The following PKDREJ variants were observed in gnomAD, a reference collection of about 807,000 sequenced individuals.
PKDREJ encodes PKD and REJ homolog.
For synonymous variants in PKDREJ, 1,031 were observed against 1,095.5 expected (o/e 0.94, Z 1.16); for missense variants, 2,507 against 2,807.2 (o/e 0.89, Z 2.42).
rs1306054272 is a variant in PKDREJ, at chr22:46,260,731, C to A, written c.2592G>T (p.Lys864Asn). 1.9e-5 allele frequency: 31 copies of A among 1,614,178 alleles called. No homozygotes were observed. The highest frequency in any genetic ancestry group is 2.6e-5 in the Non-Finnish European group (31 of 1,180,018). The change falls in exon 1 of 1, where the codon AAG (lysine) becomes AAT (asparagine). Residue 864 changes from lysine to asparagine, a missense_variant. Physicochemically the swap from Lys to Asn is moderately conservative, Grantham distance 94. Transcript: ENST00000253255. The surrounding 1 kb of genome is among the most constrained non-coding windows in gnomAD (Gnocchi z 4.5). ...GGTTGATACCCCACTTTTCAACTTTCTTGACATACATGTTGAAATTGGGGG... is the reference window on the plus strand; with the variant it reads ...GGTTGATACCCCACTTTTCAACTTTATTGACATACATGTTGAAATTGGGGG... The part of the protein sequence containing the change: ...MRTPNFNMYV[K>N]KVEKWGINQL...
rs766378794 is a variant in PKDREJ at position 46,257,994 on chromosome 22, T to A, written c.5329A>T (p.Asn1777Tyr). The A allele has an allele frequency of 1.2e-6, 2 of 1,614,104 alleles. No homozygotes were observed. The highest frequency in any genetic ancestry group is 1.7e-6 in the Non-Finnish European group (2 of 1,180,016). The change falls in exon 1 of 1, where the codon AAT (asparagine) becomes TAT (tyrosine). Residue 1777 changes from asparagine to tyrosine, a missense_variant. Physicochemically the swap from Asn to Tyr is moderately radical, Grantham distance 143. Coordinates refer to ENST00000253255, the MANE Select transcript of PKDREJ (RefSeq NM_006071.2). This position sits in a 1 kb window ranked among gnomAD's most constrained non-coding sequence, Gnocchi z 4.7. ...VLLPLLHNDL[N>Y]PTFLPESSSK... Reference sequence around the variant, plus strand: ...GAGCTTTCAGGAAGAAATGTTGGATTCAGGTCATTGTGTAACAAAGGCAAC... The same window carrying A: ...GAGCTTTCAGGAAGAAATGTTGGATACAGGTCATTGTGTAACAAAGGCAAC...
At position 46,262,224 on chromosome 22, in the gene PKDREJ, C is replaced by A. The variant is rs755155905; in HGVS notation, c.1099G>T (p.Asp367Tyr). Reference sequence around the variant, plus strand: ...AACTGGAGTCCCTGTAACGGGCTGTCCGCATCTGGGTCCGAGGACGTGGAC... The same window carrying A: ...AACTGGAGTCCCTGTAACGGGCTGTACGCATCTGGGTCCGAGGACGTGGAC... ...DGSTSSDPDADSPLQGLQFFW... is the reference protein window; with the variant it reads ...DGSTSSDPDAYSPLQGLQFFW... The change falls in exon 1 of 1, where the codon GAC becomes TAC. Residue 367 changes from aspartate to tyrosine, a missense_variant. Physicochemically the swap from Asp to Tyr is radical, Grantham distance 160. Transcript: ENST00000253255. This position sits in a 1 kb window ranked among gnomAD's most constrained non-coding sequence, Gnocchi z 8.1. 2 of 1,614,182 alleles carry A rather than the reference C, an allele frequency of 1.2e-6. No homozygotes were observed. The highest frequency in any genetic ancestry group is 2.2e-5 in the South Asian group (2 of 91,082).
rs375804500 is a variant in PKDREJ, at chr22:46,262,796, C to T, written c.527G>A (p.Gly176Asp). The T allele has an allele frequency of 4.4e-5, 61 of 1,397,404 alleles. No individual in the cohort carries two copies. The highest frequency in any genetic ancestry group is 2.7e-4 in the South Asian group (15 of 56,490). 86.6% of individuals were successfully genotyped at this position (1,397,404 alleles called of 1,614,324 possible). A position where few individuals can be genotyped will look rare whatever the true frequency, so the allele number is the denominator to read the frequency against. ...SAAPGPRPQQ[G>D]FVARTECPTD... ...GGGGCACTCGGTGCGGGCCACGAAGCCCTGCTGGGGCCGCGGGCCTGGCGC... is the reference window on the plus strand; with the variant it reads ...GGGGCACTCGGTGCGGGCCACGAAGTCCTGCTGGGGCCGCGGGCCTGGCGC... Residue 176 changes from glycine to aspartate, a missense_variant, in exon 1 of 1, where the codon GGC becomes GAC. By Grantham distance (94) the Gly-to-Asp change is moderately conservative (BLOSUM62 -1). Transcript: ENST00000253255. The surrounding 1 kb of genome is among the most constrained non-coding windows in gnomAD (Gnocchi z 8.1).
At position 46,262,221 on chromosome 22, in the gene PKDREJ, T is replaced by C; in HGVS notation, c.1102A>G (p.Ser368Gly). The C allele has an allele frequency of 6.2e-7, 1 of 1,614,196 alleles. No individual in the cohort carries two copies. The highest frequency in any genetic ancestry group is 1.7e-5 in the Admixed American group (1 of 60,032). The change falls in exon 1 of 1, where the codon AGC (serine) becomes GGC (glycine). Residue 368 changes from serine (S) to glycine (G), a missense_variant. Physicochemically the swap from Ser to Gly is moderately conservative, Grantham distance 56. Transcript: ENST00000253255. This position sits in a 1 kb window ranked among gnomAD's most constrained non-coding sequence, Gnocchi z 8.1. ...AAGAACTGGAGTCCCTGTAACGGGC[T>C]GTCCGCATCTGGGTCCGAGGACGTG... ...GSTSSDPDAD[S>G]PLQGLQFFWY...
In PKDREJ at chr22:46,261,715, C is replaced by T. The variant is rs757912022; in HGVS notation, c.1608G>A (p.Ser536=). 8.1e-6 allele frequency: 13 copies of T among 1,613,738 alleles called. No individual in the cohort carries two copies. In the East Asian group the frequency reaches 8.9e-5, roughly 11 times the overall value. ...AFRHFLEAEF[S]ISLYLACWSG... is the part of the protein sequence containing the mutation. ...TCCAACATGCTAGATACAGAGAAAT[C>T]GAAAACTCAGCTTCCAAAAAATGCC... The change falls in exon 1 of 1, where the codon TCG becomes TCA. Residue 536 remains serine, a synonymous_variant. Coordinates refer to ENST00000253255, the MANE Select transcript of PKDREJ (RefSeq NM_006071.2). The surrounding 1 kb of genome is among the most constrained non-coding windows in gnomAD (Gnocchi z 7.1).
rs1417793404 is a variant in PKDREJ, at chr22:46,262,191, AC to A, written c.1131del (p.Trp377CysfsTer15). The A allele has an allele frequency of 9.9e-6, 16 of 1,614,138 alleles. No individual in the cohort carries two copies. The highest frequency in any genetic ancestry group is 1.4e-5 in the Non-Finnish European group (16 of 1,180,016). On this transcript the variant is annotated frameshift_variant, in exon 1 of 1. Transcript: ENST00000253255. LOFTEE classifies it low-confidence loss of function (END_TRUNC). This position sits in a 1 kb window ranked among gnomAD's most constrained non-coding sequence, Gnocchi z 8.1. ...DSPLQGLQFF[W>X]YCTTDPRNYG... ...TAGTTTCTGGGATCTGTGGTACAGT[AC>A]CAAAAGAACTGGAGTCCCTGTAACG...
rs1936722650 is a variant in PKDREJ at position 46,263,333 on chromosome 22, C to T, written c.-11G>A. On this transcript the variant is annotated 5_prime_UTR_variant, in exon 1 of 1. Transcript: ENST00000253255. The surrounding 1 kb of genome is among the most constrained non-coding windows in gnomAD (Gnocchi z 9.4). ...GGGCCCAGGCCTCATGGCGCCGGCC[C>T]AGGAGAAGCTGGGAGAGGCCGCGAG... is the stretch of plus-strand genomic sequence containing the variant. 2.2e-6 allele frequency: 3 copies of T among 1,369,316 alleles called. No individual in the cohort carries two copies. Among genetic ancestry groups the T allele is most frequent in the Non-Finnish European group, 2.8e-6 (3 of 1,066,630 alleles). 84.8% of individuals were successfully genotyped at this position (1,369,316 alleles called of 1,614,324 possible). A position where few individuals can be genotyped will look rare whatever the true frequency, so the allele number is the denominator to read the frequency against.
In PKDREJ at chr22:46,260,812, T is replaced by C. The variant is rs1569271370; in HGVS notation, c.2511A>G (p.Leu837=). ...VKDPFYVIES[L]SDTILANKVP... is the part of the protein sequence containing the mutation. The stretch of plus-strand genomic sequence containing the variant: ...CTTTATTAGCCAGTATTGTGTCTGA[T>C]AGAGATTCTATTACATAGAAAGGAT... The change falls in exon 1 of 1, where the codon CTA becomes CTG. Residue 837 remains leucine (L), a synonymous_variant. Coordinates refer to ENST00000253255, the MANE Select transcript of PKDREJ (RefSeq NM_006071.2). This position sits in a 1 kb window ranked among gnomAD's most constrained non-coding sequence, Gnocchi z 4.5. 1.9e-6 allele frequency: 3 copies of C among 1,614,062 alleles called. No homozygotes were observed. The highest frequency in any genetic ancestry group is 2.5e-6 in the Non-Finnish European group (3 of 1,179,944).
rs746929817 is a variant in PKDREJ at position 46,262,807 on chromosome 22, CCGCGGGCCTGGCGCGGCGGAG to C, written c.495_515del (p.Ser166_Arg172del). 3.8e-6 allele frequency: 5 copies of C among 1,316,098 alleles called. No individual in the cohort carries two copies. The South Asian group carries it at 1.3e-4, about 34-fold the overall frequency. The allele number at this position is 1,316,098 out of a possible 1,614,324, so 81.5% of individuals were successfully genotyped here. A position where few individuals can be genotyped will look rare whatever the true frequency, so the allele number is the denominator to read the frequency against. ...TGCGGGCCACGAAGCCCTGCTGGGG[CCGCGGGCCTGGCGCGGCGGAG>C]CGCGGGGAGACGCGGGCCGCGGGGG... On this transcript the variant is annotated inframe_deletion, in exon 1 of 1. Transcript: ENST00000253255. The surrounding 1 kb of genome is among the most constrained non-coding windows in gnomAD (Gnocchi z 8.1).
chr22:46,261,953 A>G lies in PKDREJ; in HGVS notation c.1370T>C (p.Ile457Thr), dbSNP rs1936701563. The change falls in exon 1 of 1, where the codon ATA becomes ACA. Residue 457 changes from isoleucine to threonine, a missense_variant. Transcript: ENST00000253255. The surrounding 1 kb of genome is among the most constrained non-coding windows in gnomAD (Gnocchi z 7.1). ...RVHVLQGPKA[I>T]AHITCIENCE... ...ATTTTCGATACATGTGATGTGTGCT[A>G]TGGCTTTTGGTCCTTGGAGCACGTG... is the stretch of plus-strand genomic sequence containing the variant. The G allele has an allele frequency of 1.2e-6, 2 of 1,614,176 alleles. No homozygotes were observed. Among genetic ancestry groups the G allele is most frequent in the South Asian group, 1.1e-5 (1 of 91,088 alleles).
Position 46,260,503 on chromosome 22 carries a change from A to G in PKDREJ, c.2820T>C (p.Gly940=). 1.2e-6 allele frequency: 2 copies of G among 1,614,176 alleles called. No individual in the cohort carries two copies. Among genetic ancestry groups the G allele is most frequent in the South Asian group, 1.1e-5 (1 of 91,088 alleles). Residue 940 remains glycine (G), a synonymous_variant, in exon 1 of 1, where the codon GGT becomes GGC. Transcript: ENST00000253255. The surrounding 1 kb of genome is among the most constrained non-coding windows in gnomAD (Gnocchi z 4.5). ...GFRMTGVADN[G]SVLEITPDVA... ...CATCAGGTGTGATCTCTAGCACACT[A>G]CCGTTATCTGCAACTCCTGTCATTC...
Position 46,257,923 on chromosome 22 carries a change from T to G in PKDREJ, c.5400A>C (p.Lys1800Asn). The change falls in exon 1 of 1, where the codon AAA becomes AAC. Residue 1800 changes from lysine to asparagine, a missense_variant. By Grantham distance (94) the Lys-to-Asn change is moderately conservative. Transcript: ENST00000253255. This position sits in a 1 kb window ranked among gnomAD's most constrained non-coding sequence, Gnocchi z 4.7. ...CAGGTAGACACATTTTTTCACTAGA[T>G]TTTGCTCTCACTTGCCTCATCAATG... ...GLPLMRQVRA[K>N]SSEKMCLPAE... 1 of 1,614,130 alleles carries G rather than the reference T, an allele frequency of 6.2e-7. No homozygotes were observed. Among genetic ancestry groups the G allele is most frequent in the Non-Finnish European group, 8.5e-7 (1 of 1,180,030 alleles).
Position 46,258,059 on chromosome 22 carries a change from G to T in PKDREJ, c.5264C>A (p.Thr1755Asn), listed in dbSNP as rs757645206. 49 of 1,613,958 alleles carry T rather than the reference G, an allele frequency of 3.0e-5. No individual in the cohort carries two copies. The highest frequency in any genetic ancestry group is 2.2e-5 in the South Asian group (2 of 91,088). The part of the protein sequence containing the change: ...DRFSMDLATV[T>N]KLEDIYRWLN... The stretch of plus-strand genomic sequence containing the variant: ...CCATCTATAGATGTCTTCCAGCTTA[G>T]TCACAGTAGCAAGATCCATAGAGAA... The change falls in exon 1 of 1, where the codon ACT becomes AAT. Residue 1755 changes from threonine (T) to asparagine (N), a missense_variant. Thr to Asn is a moderately conservative substitution (Grantham distance 65). Coordinates refer to ENST00000253255, the MANE Select transcript of PKDREJ (RefSeq NM_006071.2). This position sits in a 1 kb window ranked among gnomAD's most constrained non-coding sequence, Gnocchi z 6.1.
In PKDREJ at chr22:46,257,676, G is replaced by C; in HGVS notation, c.5647C>G (p.Leu1883Val). Residue 1883 changes from leucine (L) to valine (V), a missense_variant, in exon 1 of 1, where the codon CTC (leucine) becomes GTC (valine). Transcript: ENST00000253255. The surrounding 1 kb of genome is among the most constrained non-coding windows in gnomAD (Gnocchi z 4.7). ...LHTYGSGGYA[L>V]YFFPEQQRFN... ...CGCTGCTGTTCTGGAAAAAAATAGA[G>C]TGCATATCCTCCAGATCCATAGGTG... is the stretch of plus-strand genomic sequence containing the variant. The C allele has an allele frequency of 6.2e-7, 1 of 1,614,156 alleles. No homozygotes were observed. Among genetic ancestry groups the C allele is most frequent in the Non-Finnish European group, 8.5e-7 (1 of 1,180,006 alleles).
Position 46,259,193 on chromosome 22 carries a change from G to T in PKDREJ, c.4130C>A (p.Ala1377Asp), listed in dbSNP as rs1006529442. The T allele has an allele frequency of 3.2e-5, 52 of 1,613,734 alleles. No individual in the cohort carries two copies. Among genetic ancestry groups the T allele is most frequent in the Non-Finnish European group, 4.3e-5 (51 of 1,179,840 alleles). The change falls in exon 1 of 1, where the codon GCT becomes GAT. Residue 1377 changes from alanine to aspartate, a missense_variant. Transcript: ENST00000253255. This position sits in a 1 kb window ranked among gnomAD's most constrained non-coding sequence, Gnocchi z 6.8. ...RKNHMWFSIF[A>D]SVVAKTFNRL... is the part of the protein sequence containing the mutation. Reference sequence around the variant, plus strand: ...ATTGAATGTTTTAGCAACAACACTAGCAAAAATAGAGAACCACATGTGGTT... The same window carrying T: ...ATTGAATGTTTTAGCAACAACACTATCAAAAATAGAGAACCACATGTGGTT...
Position 46,262,239 on chromosome 22 carries a change from A to G in PKDREJ, c.1084T>C (p.Ser362Pro), listed in dbSNP as rs772100469. ...EQLILDGSTSSDPDADSPLQG... is the reference protein window; with the variant it reads ...EQLILDGSTSPDPDADSPLQG... ...AACGGGCTGTCCGCATCTGGGTCCG[A>G]GGACGTGGACCCGTCCAGAATCAGC... Residue 362 changes from serine to proline, a missense_variant, in exon 1 of 1, where the codon TCG becomes CCG. Physicochemically the swap from Ser to Pro is moderately conservative, Grantham distance 74. Transcript: ENST00000253255. The surrounding 1 kb of genome is among the most constrained non-coding windows in gnomAD (Gnocchi z 8.1). The G allele has an allele frequency of 6.2e-7, 1 of 1,614,190 alleles. No individual in the cohort carries two copies. Among genetic ancestry groups the G allele is most frequent in the South Asian group, 1.1e-5 (1 of 91,090 alleles).
At position 46,258,492 on chromosome 22, in the gene PKDREJ, G is replaced by A; in HGVS notation, c.4831C>T (p.Leu1611Phe). The change falls in exon 1 of 1, where the codon CTC becomes TTC. Residue 1611 changes from leucine to phenylalanine, a missense_variant. Leu to Phe is a conservative substitution (Grantham distance 22, BLOSUM62 0). Transcript: ENST00000253255. This position sits in a 1 kb window ranked among gnomAD's most constrained non-coding sequence, Gnocchi z 6.1. ...CAGAATGAACAAAAAGATGCAAAGA[G>A]CCATTCTATTGACTTGTCATAGCCG... is the stretch of plus-strand genomic sequence containing the variant. ...TYGYDKSIEW[L>F]FASFCSFCQS... 1 of 1,614,002 alleles carries A rather than the reference G, an allele frequency of 6.2e-7. No homozygotes were observed. The highest frequency in any genetic ancestry group is 8.5e-7 in the Non-Finnish European group (1 of 1,179,866).
In PKDREJ at chr22:46,262,137, TG is replaced by T; in HGVS notation, c.1185del (p.Ser395ArgfsTer12). 12 of 1,614,192 alleles carry T rather than the reference TG, an allele frequency of 7.4e-6. No individual in the cohort carries two copies. Among genetic ancestry groups the T allele is most frequent in the Non-Finnish European group, 1.0e-5 (12 of 1,180,038 alleles). On this transcript the variant is annotated frameshift_variant, in exon 1 of 1. Transcript: ENST00000253255. LOFTEE classifies it low-confidence loss of function (END_TRUNC). The surrounding 1 kb of genome is among the most constrained non-coding windows in gnomAD (Gnocchi z 8.1). The stretch of plus-strand genomic sequence containing the variant: ...GCCTGCTCGGGGTGACAGACTTCCT[TG>T]CTCCCCAGGATTATTCGATCCCCAC... Reference protein sequence around the residue: ...NYGGDRIILGSKEVCHPEQAN... With the variant: ...NYGGDRIILGXKEVCHPEQAN...
chr22:46,263,192 C>A lies in PKDREJ; in HGVS notation c.131G>T (p.Gly44Val). The change falls in exon 1 of 1, where the codon GGC (glycine) becomes GTC (valine). Residue 44 changes from glycine to valine, a missense_variant. Coordinates refer to ENST00000253255, the MANE Select transcript of PKDREJ (RefSeq NM_006071.2). This position sits in a 1 kb window ranked among gnomAD's most constrained non-coding sequence, Gnocchi z 9.4. ...GCCGCGCACCCCGAGGCCCGGGGCG[C>A]CCCTGAGGAGGCCACCGGGCGCCCC... ...VSGAPGGLLR[G>V]APGLGVRGGR... 1 of 1,375,418 alleles carries A rather than the reference C, an allele frequency of 7.3e-7. No individual in the cohort carries two copies. The highest frequency in any genetic ancestry group is 9.3e-7 in the Non-Finnish European group (1 of 1,070,600). The allele number at this position is 1,375,418 out of a possible 1,614,324, so 85.2% of individuals were successfully genotyped here.
Sources: gnomAD v4.1 joint callset for allele counts on GRCh38, gnomAD v4.1.1 for gene constraint, Gnocchi (gnomAD v3.1) non-coding constraint, MANE v1.5 for transcripts, NCBI Gene and HGNC (gene_info 2026-07-23, HGNC 2026-07-21) for gene names.